Variants in TSG101 observed in about 807,000 individuals in gnomAD.
The protein encoded by TSG101 is tumor susceptibility 101.
In TSG101, 19 loss-of-function variants were observed where a neutral mutation model predicts 48.5. That is an observed-to-expected ratio of 0.39 (90% confidence interval 0.27 to 0.58). The LOEUF (loss-of-function observed/expected upper bound fraction) is 0.58. Ranked by LOEUF, TSG101 falls within the 20% of genes least tolerant of loss-of-function variation. The probability of loss-of-function intolerance (pLI) is 0.55; values close to 1 mark genes in which losing one functional copy is unlikely to be tolerated. For missense variants in TSG101, 365 were observed against 484.4 expected (o/e 0.75, Z 2.31); for synonymous variants, 174 against 169.4 (o/e 1.03, Z -0.21).
intron 7 of TSG101, among the ~76,000 whole-genome samples, chr11:18,494,879 G>C (rs543197894): frequency 2.0e-5 from 3 of 152,266 alleles, no homozygotes; most frequent in African/African-American, 7.2e-5. Flanking sequence ...AGAAAAACTT[G>C]TCATGTTTAC....
At chr11:18,495,180 C>CA (rs939277140) in intron 7 of TSG101, among the ~76,000 whole-genome samples, 2 of 152,126 alleles carry the variant, frequency 1.3e-5, no homozygotes, top group African/African-American at 2.4e-5. Context: ...TTTTAAAACT[C>CA]AGAGGTTGAA....
At chr11:18,485,858 C>T (rs958874283) in intron 7 of TSG101, among the ~76,000 whole-genome samples, 2 of 152,294 alleles carry the variant, frequency 1.3e-5, no homozygotes, top group African/African-American at 2.4e-5. Flanking sequence ...CCCGGTGAAA[C>T]GCCACCTTCA....
In TSG101 at chr11:18,480,543, A is replaced by AAGTC. The variant is rs751288739; in HGVS notation, c.1172_*2dup. The AAGTC allele has an allele frequency of 2.4e-5, 38 of 1,611,796 alleles. No homozygotes were observed. Among genetic ancestry groups the AAGTC allele is most frequent in the Middle Eastern group, 1.6e-4 (1 of 6,084 alleles). On this transcript the variant is annotated 3_prime_UTR_variant, in exon 10 of 10. Coordinates refer to ENST00000251968, the MANE Select transcript of TSG101 (RefSeq NM_006292.4). ...GCTCAACCTCCAGCTGGTATCAGAG[A>AAGTC]AGTCAGTAGAGGTCACTGAGACCGG...
At chr11:18,512,809 C>A (rs891233727) in intron 4 of TSG101, among the ~76,000 whole-genome samples, 11 of 149,498 alleles carry the variant, frequency 7.4e-5, no homozygotes, top group Non-Finnish European at 1.2e-4. Context: ...CTCACTGCAA[C>A]CTCCGCCTCC....
intron 2 of TSG101, 133 bp from the exon 3 acceptor site, chr11:18,516,297 T>C: frequency 4.4e-6 from 3 of 675,516 alleles, no homozygotes; most frequent in Non-Finnish European, 7.5e-6. Flanking sequence ...TCATCCATCC[T>C]GTCCAATAAC....
rs148508762 is a variant in TSG101, at chr11:18,494,457, A to G, written c.640+8029T>C. Among the ~76,000 whole-genome samples the G allele has an allele frequency of 4.9e-3, 743 of 152,370 alleles. 6 individuals carry two copies. Among genetic ancestry groups the G allele is most frequent in the African/African-American group, 0.017 (718 of 41,588 alleles). ...TCTCCTACCTTTCCTTTACTAACAAAATAAAAATCATTTGTTAACTTACAC... is the reference window on the plus strand; with the variant it reads ...TCTCCTACCTTTCCTTTACTAACAAGATAAAAATCATTTGTTAACTTACAC... On this transcript the variant is annotated intron_variant, in intron 7 of 9. Transcript: ENST00000251968.
intron 2 of TSG101, among the ~76,000 whole-genome samples, chr11:18,517,861 C>G (rs1850205915): frequency 6.6e-6 from 1 of 152,194 alleles, no homozygotes; most frequent in Non-Finnish European, 1.5e-5. Context: ...CGAATGTAAG[C>G]TATACCGCAA....
At chr11:18,497,908 G>A (rs1300186809) in intron 7 of TSG101, among the ~76,000 whole-genome samples, 1 of 152,170 alleles carries the variant, frequency 6.6e-6, no homozygotes, top group Non-Finnish European at 1.5e-5. Flanking sequence ...CCTTTATGGG[G>A]TGGGGGGATG....
intron 4 of TSG101, among the ~76,000 whole-genome samples, chr11:18,513,536 G>A (rs1161384852): frequency 1.3e-5 from 2 of 152,058 alleles, no homozygotes; most frequent in African/African-American, 2.4e-5. Flanking sequence ...CTGAGCTCAA[G>A]CAATCCTCCT....
At chr11:18,526,642 G>A (rs1850379458) in intron 1 of TSG101, 133 bp downstream of exon 1, 1 of 1,060,576 alleles carries the variant, frequency 9.4e-7, no homozygotes, top group Non-Finnish European at 1.3e-6. Flanking sequence ...GGGGTTCTGA[G>A]GAGGTCGCTA....
intron 4 of TSG101, 31 bp from the exon 5 acceptor site, chr11:18,509,696 A>C (rs1218080715): frequency 6.4e-7 from 1 of 1,554,052 alleles, no homozygotes; most frequent in Non-Finnish European, 8.7e-7. Flanking sequence ...CAAGTCAGCT[A>C]CAGAGTTGCT....
chr11:18,526,651 T>C (rs1157828921), intron 1 of TSG101, 124 bp downstream of exon 1: 12 of 1,204,876 alleles, frequency 1.0e-5, no homozygotes, highest in Non-Finnish European at 1.3e-5. Context: ...AGGAGGTCGC[T>C]AAGGACTGCA....
chr11:18,520,964 G>A (rs1478310095), intron 1 of TSG101, among the ~76,000 whole-genome samples: 1 of 151,912 alleles, frequency 6.6e-6, no homozygotes, highest in Non-Finnish European at 1.5e-5. Context: ...CCAGGAGGCA[G>A]AGGTTGCAGT....
At chr11:18,482,715 C>T (rs369033981) in intron 8 of TSG101, among the ~76,000 whole-genome samples, 1 of 152,160 alleles carries the variant, frequency 6.6e-6, no homozygotes. Context: ...CTTTAGCCAA[C>T]CAAGTATCTC....
At chr11:18,511,948 A>C (rs1850090675) in intron 4 of TSG101, among the ~76,000 whole-genome samples, 1 of 151,270 alleles carries the variant, frequency 6.6e-6, no homozygotes. Context: ...AGAATTCATT[A>C]ATGTGGTAGT....
At chr11:18,526,563 T>G (rs1159360276) in intron 1 of TSG101, among the ~76,000 whole-genome samples, 4 of 152,262 alleles carry the variant, frequency 2.6e-5, no homozygotes, top group Non-Finnish European at 5.9e-5. Context: ...CTTTGTTGAC[T>G]GTCGCCGTCC....
intron 1 of TSG101, among the ~76,000 whole-genome samples, chr11:18,526,349 GT>G (rs1850373007): frequency 6.6e-6 from 1 of 152,222 alleles, no homozygotes; most frequent in Non-Finnish European, 1.5e-5. Context: ...CTCTCTGCGG[GT>G]CGGCAAAAGA....
intron 7 of TSG101, among the ~76,000 whole-genome samples, chr11:18,499,253 A>T (rs1565087120): frequency 7.4e-6 from 1 of 134,742 alleles, no homozygotes; most frequent in African/African-American, 2.8e-5. Flanking sequence ...ATATTTATAT[A>T]TTATATATAT....
intron 2 of TSG101, among the ~76,000 whole-genome samples, chr11:18,518,991 T>C (rs1041969754): frequency 1.8e-4 from 28 of 152,156 alleles, no homozygotes; most frequent in African/African-American, 6.8e-4. Context: ...CATAGTTCTA[T>C]GTTAGAGGTT....
Sources: gnomAD v4.1 joint callset for allele counts (sites outside exome capture counted in the v4.1 genomes callset) on GRCh38, gnomAD v4.1.1 for gene constraint, MANE v1.5 for transcripts, NCBI Gene and HGNC (gene_info 2026-07-23, HGNC 2026-07-21) for gene names.